The following DNAJC21 variants were observed in gnomAD, a reference collection of about 807,000 sequenced individuals.
DNAJC21 encodes DnaJ heat shock protein family (Hsp40) member C21, also known as dnaJ homolog subfamily C member 21.
In DNAJC21, 63 loss-of-function variants were observed where a neutral mutation model predicts 72.4. That is an observed-to-expected ratio of 0.87 (90% CI 0.71 to 1.07). The LOEUF (loss-of-function observed/expected upper bound fraction) is 1.07. Among genes scored for constraint, DNAJC21 ranks in the 50% least tolerant of loss-of-function variants. The pLI, the probability that DNAJC21 is intolerant of heterozygous loss-of-function variation, is 0.00. For synonymous variants in DNAJC21, 203 were observed against 216.7 expected (o/e 0.94, Z 0.56); for missense variants, 634 against 644.8 (o/e 0.98, Z 0.18).
At chr5:34,932,149 G>A (rs766584822) in intron 1 of DNAJC21, among the ~76,000 whole-genome samples, 3 of 152,092 alleles carry the variant, frequency 2.0e-5, no homozygotes, top group Admixed American at 6.5e-5. Flanking sequence ...GGCCAGGTGC[G>A]GTGACTCACA....
rs779829856 is a variant in DNAJC21 at position 34,941,192 on chromosome 5, ATTAATTTAAT to A, written c.983+22_983+31del. The A allele has an allele frequency of 1.9e-6, 3 of 1,611,188 alleles. No individual in the cohort carries two copies. The highest frequency in any genetic ancestry group is 2.2e-5 in the East Asian group (1 of 44,848). ...TTCAAGACAGAAAAGGCGTAAGTTT[ATTAATTTAAT>A]TTAATTTAATTTTGAGACAGGGTCT... On this transcript the variant is annotated intron_variant, in intron 7 of 11. Transcript: ENST00000648817.
chr5:34,952,244 TA>T (rs1765397789), intron 10 of DNAJC21: 1 of 983,920 alleles, frequency 1.0e-6, no homozygotes, highest in African/African-American at 1.7e-5. Context: ...AATATTATCC[TA>T]AATTTGTTAG....
intron 10 of DNAJC21, chr5:34,952,392 C>T (rs1765402271): frequency 2.5e-6 from 1 of 402,078 alleles, no homozygotes; most frequent in South Asian, 1.0e-4. Context: ...TCCTAATCTG[C>T]ATTTTTTAAA....
chr5:34,952,557 G>A (rs1765407268), intron 10 of DNAJC21: 1 of 152,230 alleles, frequency 6.6e-6, no homozygotes, highest in African/African-American at 2.4e-5. Context: ...TATGAATTTG[G>A]TTAGCACAAA....
chr5:34,936,701 G>T (rs79503382), intron 4 of DNAJC21, among the ~76,000 whole-genome samples: 8,837 of 152,040 alleles, frequency 0.058, 368 homozygotes, highest in South Asian at 0.12. Flanking sequence ...GTAGCTTTTC[G>T]ATCTCTTGCA....
At position 34,958,436 on chromosome 5, in the gene DNAJC21, AC is replaced by A. The variant is rs1765596197; in HGVS notation, c.*3724del. 6.6e-6 allele frequency: 1 copy of A among 152,238 alleles called. No individual in the cohort carries two copies. Among genetic ancestry groups the A allele is most frequent in the Non-Finnish European group, 1.5e-5 (1 of 68,044 alleles). 9.4% of individuals were successfully genotyped at this position (152,238 alleles called of 1,614,324 possible). ...TTCCCCAAAAACAAAGGGATTAAAG[AC>A]CTAAATATGAAGACAAAACTTTTAA... On this transcript the variant is annotated 3_prime_UTR_variant, in exon 12 of 12. Transcript: ENST00000648817.
intron 8 of DNAJC21, among the ~76,000 whole-genome samples, chr5:34,945,486 T>C (rs1366628145): frequency 6.6e-6 from 1 of 152,234 alleles, no homozygotes; most frequent in Non-Finnish European, 1.5e-5. Flanking sequence ...ACGTCAACTA[T>C]AATATTTATA....
intron 2 of DNAJC21, among the ~76,000 whole-genome samples, chr5:34,935,271 TTG>T (rs1413797637): frequency 6.6e-6 from 1 of 152,068 alleles, no homozygotes; most frequent in East Asian, 1.9e-4. Context: ...TGAGAAGCAA[TTG>T]TGTGTGTGTG....
intron 9 of DNAJC21, among the ~76,000 whole-genome samples, chr5:34,946,177 G>A (rs969637533): frequency 6.6e-6 from 1 of 152,064 alleles, no homozygotes; most frequent in Non-Finnish European, 1.5e-5. Context: ...TTTTATCTCA[G>A]TTTATTCTGC....
At chr5:34,944,718 TA>T (rs374412671) in intron 7 of DNAJC21, 148 bp from the exon 8 acceptor site, 544 of 1,145,060 alleles carry the variant, frequency 4.8e-4, no homozygotes, top group Middle Eastern at 6.1e-4. Context: ...CATGAACAAA[TA>T]AAAAAAAAGA....
At chr5:34,930,980 G>A (rs1044794863) in intron 1 of DNAJC21, among the ~76,000 whole-genome samples, 1 of 151,832 alleles carries the variant, frequency 6.6e-6, no homozygotes, top group African/African-American at 2.4e-5. Flanking sequence ...CCTTCTCAGA[G>A]GAGTTTGGAC....
At chr5:34,932,436 A>C (rs1177887042) in intron 1 of DNAJC21, among the ~76,000 whole-genome samples, 2 of 151,386 alleles carry the variant, frequency 1.3e-5, no homozygotes, top group Non-Finnish European at 3.0e-5. Flanking sequence ...AAAAAAAAAA[A>C]CGAACTTTAG....
chr5:34,949,489 T>C (rs1765282941), intron 9 of DNAJC21: 1 of 1,549,542 alleles, frequency 6.5e-7, no homozygotes, highest in South Asian at 1.2e-5. Context: ...CAGATAATAT[T>C]AGCATTAGAT....
At chr5:34,930,867 G>GA (rs1561178909) in intron 1 of DNAJC21, among the ~76,000 whole-genome samples, 1 of 152,130 alleles carries the variant, frequency 6.6e-6, no homozygotes. Context: ...ACAACTGCCA[G>GA]AAAAAAATCG....
chr5:34,952,665 A>ATACC (rs575587484), intron 10 of DNAJC21: 2 of 152,202 alleles, frequency 1.3e-5, no homozygotes, highest in Non-Finnish European at 2.9e-5. Flanking sequence ...GAACCCAACT[A>ATACC]TACCGTTTCT....
In DNAJC21 at chr5:34,936,908, G is replaced by T. The variant is rs949895271; in HGVS notation, c.439-418G>T. On this transcript the variant is annotated intron_variant, in intron 4 of 11. Transcript: ENST00000648817. ...TGGGATTACAGGCTCCCACCACCAT[G>T]CTCAGCTAATTTTTGTATTTTTAGT... Among the ~76,000 whole-genome samples the T allele has an allele frequency of 7.9e-5, 12 of 152,090 alleles. 1 individual carries two copies. The highest frequency in any genetic ancestry group is 1.6e-4 in the Non-Finnish European group (11 of 67,992).
At position 34,953,932 on chromosome 5, in the gene DNAJC21, TA is replaced by T. The variant is rs756768331; in HGVS notation, c.1368del (p.Lys456AsnfsTer10). The T allele has an allele frequency of 3.1e-4, 494 of 1,610,540 alleles. No individual in the cohort carries two copies. The highest frequency in any genetic ancestry group is 3.9e-4 in the Non-Finnish European group (457 of 1,178,778). ...DPKSEAKSVPKPKGKKTKDMK... is the reference protein window; with the variant it reads ...DPKSEAKSVPXPKGKKTKDMK... ...TGAATTATTTATTTTCCAGTGTTCC[TA>T]AACCCAAAGGAAAGAAAACCAAAGA... is the stretch of plus-strand genomic sequence containing the variant. On this transcript the variant is annotated frameshift_variant, in exon 11 of 12. Transcript: ENST00000648817. LOFTEE classifies it high-confidence loss of function.
intron 9 of DNAJC21, among the ~76,000 whole-genome samples, chr5:34,946,352 A>C (rs1410786559): frequency 6.6e-6 from 1 of 152,156 alleles, no homozygotes; most frequent in Admixed American, 6.5e-5. Context: ...ATAAAATGGT[A>C]TTATGTTGTT....
chr5:34,934,787 C>T (rs1327444991), intron 2 of DNAJC21, among the ~76,000 whole-genome samples: 7 of 152,170 alleles, frequency 4.6e-5, no homozygotes, highest in South Asian at 4.1e-4. Context: ...TGCAAGTCAT[C>T]TTTCTGTTAA....
Sources: gnomAD v4.1 joint callset for allele counts (sites outside exome capture counted in the v4.1 genomes callset) on GRCh38, gnomAD v4.1.1 for gene constraint, MANE v1.5 for transcripts, NCBI Gene and HGNC (gene_info 2026-07-23, HGNC 2026-07-21) for gene names.